Variants in ADGRL3 observed in about 807,000 individuals in gnomAD.
The protein encoded by ADGRL3 is adhesion G protein-coupled receptor L3, also known as calcium-independent alpha-latrotoxin receptor 3.
In ADGRL3, 62 loss-of-function variants were observed where a neutral mutation model predicts 153.5. The observed-to-expected ratio is 0.40, with a 90% confidence interval of 0.33 to 0.50. The LOEUF (loss-of-function observed/expected upper bound fraction) is 0.50, where lower values mean the gene tolerates loss of function less well. Among genes scored for constraint, ADGRL3 ranks in the 20% least tolerant of loss-of-function variants. ADGRL3 has a pLI of 0.47. For missense variants in ADGRL3, 1,641 were observed against 1,859.4 expected, an observed-to-expected ratio of 0.88 and a Z score of 2.16; for synonymous variants, 710 against 672.5, an observed-to-expected ratio of 1.06 and a Z score of -0.86.
intron 2 of ADGRL3, among the ~76,000 whole-genome samples, chr4:61,469,345 T>C (rs1360134465): frequency 6.6e-6 from 1 of 152,142 alleles, no homozygotes; most frequent in East Asian, 1.9e-4. Flanking sequence ...ATTAAATGAA[T>C]TAACCTTTGC....
At chr4:61,844,974 C>T (rs2098097027) in intron 9 of ADGRL3, among the ~76,000 whole-genome samples, 1 of 152,044 alleles carries the variant, frequency 6.6e-6, no homozygotes, top group Non-Finnish European at 1.5e-5. Context: ...TATCTACCCA[C>T]TCAATATTAA....
At chr4:61,297,551 T>G (rs899043345) in intron 1 of ADGRL3, among the ~76,000 whole-genome samples, 2 of 152,172 alleles carry the variant, frequency 1.3e-5, no homozygotes, top group African/African-American at 4.8e-5. Flanking sequence ...ACAGTACTTA[T>G]TTTTAACAAA....
chr4:61,726,996 C>T (rs1453708662), intron 6 of ADGRL3, among the ~76,000 whole-genome samples: 2 of 152,100 alleles, frequency 1.3e-5, no homozygotes, highest in Non-Finnish European at 2.9e-5. Flanking sequence ...AAATTTATTT[C>T]TCTCTATTTT....
intron 1 of ADGRL3, among the ~76,000 whole-genome samples, chr4:61,276,351 T>C: frequency 6.6e-6 from 1 of 152,186 alleles, no homozygotes; most frequent in South Asian, 2.1e-4. Flanking sequence ...TTATGTGTAA[T>C]GCTTGCAGTA....
At chr4:61,619,649 C>T (rs1201136450) in intron 5 of ADGRL3, among the ~76,000 whole-genome samples, 2 of 152,002 alleles carry the variant, frequency 1.3e-5, no homozygotes, top group African/African-American at 4.8e-5. Flanking sequence ...CCCTGGTGTT[C>T]GAAGTACTTC....
intron 2 of ADGRL3, among the ~76,000 whole-genome samples, chr4:61,481,679 A>T (rs1454960794): frequency 1.3e-5 from 2 of 152,074 alleles, no homozygotes; most frequent in African/African-American, 4.8e-5. Flanking sequence ...TTATCTTAAA[A>T]TCACATATTA....
chr4:61,899,146 T>TG (rs1470682617), intron 11 of ADGRL3, among the ~76,000 whole-genome samples: 2 of 152,178 alleles, frequency 1.3e-5, no homozygotes, highest in Non-Finnish European at 2.9e-5. Flanking sequence ...AGAAATGATT[T>TG]GGGGGCTGCT....
chr4:61,867,634 T>C (rs1478136008), intron 9 of ADGRL3, among the ~76,000 whole-genome samples: 1 of 149,770 alleles, frequency 6.7e-6, no homozygotes. Context: ...AGCGTATAGA[T>C]TTATTTAATA....
intron 4 of ADGRL3, among the ~76,000 whole-genome samples, chr4:61,558,257 T>C (rs2098777659): frequency 6.7e-6 from 1 of 149,510 alleles, no homozygotes; most frequent in African/African-American, 2.5e-5. Flanking sequence ...CTTAGGGTAG[T>C]CTACTTGAAT....
intron 2 of ADGRL3, among the ~76,000 whole-genome samples, chr4:61,476,711 A>C (rs1414584695): frequency 3.0e-5 from 3 of 99,888 alleles, no homozygotes; most frequent in African/African-American, 1.5e-4. Flanking sequence ...CTCTGTCTAA[A>C]AAAAAAAAAA....
At chr4:61,276,055 TG>T (rs777773833) in intron 1 of ADGRL3, among the ~76,000 whole-genome samples, 2 of 152,184 alleles carry the variant, frequency 1.3e-5, no homozygotes, top group Non-Finnish European at 2.9e-5. Context: ...AGAGTTATTC[TG>T]GTGAAATGAA....
chr4:61,279,837 T>C (rs1454531694), intron 1 of ADGRL3, among the ~76,000 whole-genome samples: 1 of 152,122 alleles, frequency 6.6e-6, no homozygotes, highest in Admixed American at 6.6e-5. Flanking sequence ...GGTCTATTGA[T>C]AAATATGTGA....
intron 9 of ADGRL3, among the ~76,000 whole-genome samples, chr4:61,862,338 A>G (rs2098349788): frequency 6.6e-6 from 1 of 152,224 alleles, no homozygotes; most frequent in Admixed American, 6.5e-5. Flanking sequence ...ACTAAGGGAC[A>G]GAGCTGTAAC....
chr4:62,064,205 G>A (rs1741730796), intron 25 of ADGRL3, among the ~76,000 whole-genome samples: 1 of 152,036 alleles, frequency 6.6e-6, no homozygotes. Context: ...GCCATTGCCA[G>A]TAAGAGCTGC....
intron 5 of ADGRL3, among the ~76,000 whole-genome samples, chr4:61,610,856 A>C (rs1393081849): frequency 3.3e-5 from 5 of 152,182 alleles, no homozygotes; most frequent in Non-Finnish European, 7.3e-5. Context: ...AATATTAAAA[A>C]GATAGTGGGG....
chr4:61,778,572 G>T (rs994789895), intron 8 of ADGRL3, among the ~76,000 whole-genome samples: 34 of 152,120 alleles, frequency 2.2e-4, no homozygotes, highest in Non-Finnish European at 4.6e-4. Context: ...GCAACATTCG[G>T]TTTTTTAAAA....
chr4:61,454,516 T>C (rs2097711973), intron 2 of ADGRL3, among the ~76,000 whole-genome samples: 1 of 152,138 alleles, frequency 6.6e-6, no homozygotes, highest in Non-Finnish European at 1.5e-5. Context: ...TGTACTGAAG[T>C]GTGAAGAGCT....
At chr4:61,685,232 T>C (rs2151036325) in intron 6 of ADGRL3, among the ~76,000 whole-genome samples, 1 of 152,186 alleles carries the variant, frequency 6.6e-6, no homozygotes, top group East Asian at 1.9e-4. Flanking sequence ...TTTTTTCTTT[T>C]AATTCTCAAA....
chr4:61,765,534 G>A (rs2096966266), intron 8 of ADGRL3, among the ~76,000 whole-genome samples: 1 of 152,024 alleles, frequency 6.6e-6, no homozygotes, highest in Admixed American at 6.6e-5. Flanking sequence ...AGGTTTCACT[G>A]AATACTAAGA....
Sources: allele counts gnomAD v4.1 joint callset (sites outside exome capture counted in the v4.1 genomes callset), GRCh38; gene constraint gnomAD v4.1.1; transcripts MANE v1.5; gene names NCBI Gene and HGNC (gene_info 2026-07-23, HGNC 2026-07-21).